The following DUSP15 variants were observed in gnomAD, a reference collection of about 807,000 sequenced individuals.
The protein encoded by DUSP15 is dual specificity protein phosphatase 15.
A neutral mutation model predicts 26.3 loss-of-function variants in DUSP15; 23 were observed. That is an observed-to-expected ratio of 0.87 (90% CI 0.63 to 1.24). DUSP15 has a LOEUF of 1.24. DUSP15 is among the 50% of genes most tolerant of loss of function. DUSP15 has a pLI of 0.00. For synonymous variants in DUSP15, 143 were observed against 135.5 expected, an observed-to-expected ratio of 1.06 and a Z score of -0.39; for missense variants, 364 against 320.6, an observed-to-expected ratio of 1.14 and a Z score of -1.03.
rs1004613957 is a variant in DUSP15, at chr20:31,861,299, CG to C, written c.*103del. 49 of 1,371,228 alleles carry C rather than the reference CG, an allele frequency of 3.6e-5. No individual in the cohort carries two copies. Among genetic ancestry groups the C allele is most frequent in the Non-Finnish European group, 4.3e-5 (46 of 1,069,040 alleles). 84.9% of individuals were successfully genotyped at this position (1,371,228 alleles called of 1,614,324 possible). A position where few individuals can be genotyped will look rare whatever the true frequency, so the allele number is the denominator to read the frequency against. On this transcript the variant is annotated 3_prime_UTR_variant, in exon 7 of 7. Transcript: ENST00000339738. The stretch of plus-strand genomic sequence containing the variant: ...GCGGGAGGCAGGGTTCAGGCCGCCG[CG>C]GGGCTCCCCCAGCCTCTGGGCCCGT...
downstream of DUSP15, among the ~76,000 whole-genome samples, chr20:31,846,133 G>GAC (rs922590794): frequency 4.7e-5 from 6 of 127,408 alleles, no homozygotes; most frequent in African/African-American, 2.0e-4. Context: ...CACAGACACA[G>GAC]ACACACACAC....
downstream of DUSP15, chr20:31,861,055 G>T: frequency 9.1e-7 from 1 of 1,104,288 alleles, no homozygotes. Context: ...TTGAATGACT[G>T]GGAGGCACTC....
Position 31,863,917 on chromosome 20 carries a change from G to C in DUSP15, c.253C>G (p.Leu85Val). 9 of 1,613,554 alleles carry C rather than the reference G, an allele frequency of 5.6e-6. No individual in the cohort carries two copies. The highest frequency in any genetic ancestry group is 7.6e-6 in the Non-Finnish European group (9 of 1,179,828). ...HCCRLNGGNC[L>V]VHCFAGISRS... ...CTCCGCTTAACTCACCAGTGCACAA[G>C]GCAGTTCCCCCCATTAAGGCGGCAG... Residue 85 changes from leucine (L) to valine (V), a missense_variant, in exon 5 of 7, where the codon CTT becomes GTT. Leu to Val is a conservative substitution (Grantham distance 32, BLOSUM62 1). Coordinates refer to ENST00000339738, the MANE Select transcript of DUSP15 (RefSeq NM_080611.5).
chr20:31,849,895 C>T, intron 7 of DUSP15: 2 of 1,473,628 alleles, frequency 1.4e-6, no homozygotes, highest in East Asian at 2.5e-5. Flanking sequence ...AGAGAGGGTG[C>T]ACGGGCTGGA....
chr20:31,850,583 T>C, intron 7 of DUSP15: 1 of 1,599,198 alleles, frequency 6.3e-7, no homozygotes, highest in Non-Finnish European at 8.5e-7. Context: ...AGCACACTGG[T>C]CGGAGGGGAG....
At chr20:31,850,594 G>T (rs766563611) in intron 7 of DUSP15, 2 of 1,606,622 alleles carry the variant, frequency 1.2e-6, no homozygotes, top group South Asian at 2.2e-5. Context: ...CGGAGGGGAG[G>T]GGATTTCGAT....
upstream of DUSP15, chr20:31,870,550 C>G: frequency 6.9e-7 from 1 of 1,448,582 alleles, no homozygotes; most frequent in African/African-American, 1.5e-5. The surrounding 1 kb of genome is among the most constrained non-coding windows in gnomAD (Gnocchi z 6.6). Flanking sequence ...GCCGCTGCCA[C>G]CGCCGCCGCC....
intron 4 of DUSP15, 61 bp from the exon 5 acceptor site, chr20:31,864,042 GC>G: frequency 1.9e-6 from 3 of 1,600,828 alleles, no homozygotes; most frequent in East Asian, 4.5e-5. Context: ...GAGTTGTTCC[GC>G]CCCCACCCCA....
At chr20:31,867,643 T>TGTTTTTTTTTG (rs1568700031) in intron 2 of DUSP15, among the ~76,000 whole-genome samples, 3 of 132,714 alleles carry the variant, frequency 2.3e-5, no homozygotes, top group African/African-American at 8.9e-5. Flanking sequence ...TTTTTTTTTT[T>TGTTTTTTTTTG]TTTTTTTTTT....
upstream of DUSP15, chr20:31,870,641 C>A: frequency 1.5e-6 from 2 of 1,302,002 alleles, no homozygotes; most frequent in African/African-American, 1.5e-5. This position sits in a 1 kb window ranked among gnomAD's most constrained non-coding sequence, Gnocchi z 6.6. Context: ...CCCAGTGTGC[C>A]GGGCCCACGG....
At chr20:31,846,193 GAC>G (rs1037141103), downstream of DUSP15, among the ~76,000 whole-genome samples, 6 of 146,452 alleles carry the variant, frequency 4.1e-5, no homozygotes, top group Middle Eastern at 6.8e-3. Flanking sequence ...CACAGAGACA[GAC>G]ACACACAGAC....
At position 31,863,916 on chromosome 20, in the gene DUSP15, A is replaced by AG. The variant is rs751433416; in HGVS notation, c.253dup (p.Leu85ProfsTer32). 1 of 1,613,434 alleles carries AG rather than the reference A, an allele frequency of 6.2e-7. No homozygotes were observed. Among genetic ancestry groups the AG allele is most frequent in the Non-Finnish European group, 8.5e-7 (1 of 1,179,674 alleles). On this transcript the variant is annotated frameshift_variant, in exon 5 of 7. Transcript: ENST00000339738. LOFTEE classifies it high-confidence loss of function. ...CCTCCGCTTAACTCACCAGTGCACA[A>AG]GGCAGTTCCCCCCATTAAGGCGGCA...
downstream of DUSP15, among the ~76,000 whole-genome samples, chr20:31,860,803 G>T (rs184643160): frequency 6.6e-6 from 1 of 152,266 alleles, no homozygotes; most frequent in Non-Finnish European, 1.5e-5. Context: ...AGGTGGAAGG[G>T]GGTTCCGAGA....
rs763976068 is a variant in DUSP15 at position 31,864,738 on chromosome 20, G to A, written c.188+215C>T. 2.0e-5 allele frequency among the ~76,000 whole-genome samples: 3 copies of A among 152,198 alleles called. 1 individual carries two copies. Among genetic ancestry groups the A allele is most frequent in the Non-Finnish European group, 4.4e-5 (3 of 68,030 alleles). ...CAGAGTGTCCTTTTCCCATTTCATA[G>A]CTGATGAGACTGAGGCTCGGGGAGG... On this transcript the variant is annotated intron_variant, in intron 4 of 6. Coordinates refer to ENST00000339738, the MANE Select transcript of DUSP15 (RefSeq NM_080611.5).
At chr20:31,864,838 A>G in intron 4 of DUSP15, 115 bp downstream of exon 4, 1 of 1,116,576 alleles carries the variant, frequency 9.0e-7, no homozygotes, top group Non-Finnish European at 1.3e-6. Context: ...GTTGAGTTGA[A>G]CACCTGTGAT....
downstream of DUSP15, among the ~76,000 whole-genome samples, chr20:31,846,114 A>G (rs2062373810): frequency 1.3e-5 from 1 of 75,486 alleles, no homozygotes; most frequent in Non-Finnish European, 2.4e-5. Context: ...GTACAGACAC[A>G]CAGAGACACA....
At chr20:31,864,606 C>G in intron 4 of DUSP15, 2 of 348,818 alleles carry the variant, frequency 5.7e-6, no homozygotes, top group Non-Finnish European at 8.1e-6. Flanking sequence ...GGTCACACAG[C>G]AAGTAAATGG....
At chr20:31,869,101 T>TG (rs1323986704) in intron 2 of DUSP15, among the ~76,000 whole-genome samples, 1 of 152,130 alleles carries the variant, frequency 6.6e-6, no homozygotes, top group African/African-American at 2.4e-5. Flanking sequence ...GAGGAAGTTA[T>TG]GGGGGGAAGA....
chr20:31,868,367 C>G (rs34497400), intron 2 of DUSP15, among the ~76,000 whole-genome samples: 1,574 of 152,272 alleles, frequency 0.01, 24 homozygotes, highest in Non-Finnish European at 0.017. Context: ...GCCCCTCCCT[C>G]TCTAAAGCTT....
Sources: gnomAD v4.1 joint callset for allele counts (sites outside exome capture counted in the v4.1 genomes callset) on GRCh38, gnomAD v4.1.1 for gene constraint, Gnocchi (gnomAD v3.1) non-coding constraint, MANE v1.5 for transcripts, NCBI Gene and HGNC (gene_info 2026-07-23, HGNC 2026-07-21) for gene names.